The following PHC2 variants were observed in gnomAD, a reference collection of about 807,000 sequenced individuals.
PHC2 encodes the protein polyhomeotic homolog 2.
PHC2 carries 29 observed loss-of-function variants against 87.4 expected under a neutral mutation model. That is an observed-to-expected ratio of 0.33 (90% confidence interval 0.25 to 0.45). The LOEUF (loss-of-function observed/expected upper bound fraction) is 0.45, where lower values mean the gene tolerates loss of function less well. Ranked by LOEUF, PHC2 falls within the 20% of genes least tolerant of loss-of-function variation. PHC2 has a pLI of 1.00. For synonymous variants in PHC2, 438 were observed against 461.7 expected (o/e 0.95, Z 0.66); for missense variants, 857 against 1,136.7 (o/e 0.75, Z 3.54).
At chr1:33,406,467 C>T (rs1649767816) in intron 1 of PHC2, among the ~76,000 whole-genome samples, 1 of 152,216 alleles carries the variant, frequency 6.6e-6, no homozygotes, top group East Asian at 1.9e-4. Context: ...AATGGCACTT[C>T]CCCAGGTTAT....
In PHC2 at chr1:33,369,419, A is replaced by C. The variant is rs1647685962; in HGVS notation, c.577-797T>G. ...GCAGACAGGCAGGCATCACGACCCCAGTGGAGTAGGACATAGGGACAAGCA... is the reference window on the plus strand; with the variant it reads ...GCAGACAGGCAGGCATCACGACCCCCGTGGAGTAGGACATAGGGACAAGCA... On this transcript the variant is annotated intron_variant, in intron 5 of 14. Transcript: ENST00000683057. The surrounding 1 kb of genome is among the most constrained non-coding windows in gnomAD (Gnocchi z 4.7). Among the ~76,000 whole-genome samples, 1 of 152,164 alleles carries C rather than the reference A, an allele frequency of 6.6e-6. No individual in the cohort carries two copies. The highest frequency in any genetic ancestry group is 1.5e-5 in the Non-Finnish European group (1 of 68,020).
rs182353497 is a variant in PHC2, at chr1:33,325,476, T to G, written c.2426-457A>C. ...CTGGTGGTCCCCGGCCTCCTTGCCG[T>G]GTGAGTGAACCGTGCTGGAAGTGGG... On this transcript the variant is annotated intron_variant, in intron 14 of 14. Coordinates refer to ENST00000683057, the MANE Select transcript of PHC2 (RefSeq NM_001385109.1). 1.6e-4 allele frequency: 30 copies of G among 193,060 alleles called. 1 individual carries two copies. The East Asian group carries it at 4.3e-3, about 28-fold the overall frequency. 12.0% of individuals were successfully genotyped at this position (193,060 alleles called of 1,614,324 possible).
At position 33,355,148 on chromosome 1, in the gene PHC2, G is replaced by A. The variant is rs138345405; in HGVS notation, c.1082C>T (p.Pro361Leu). ...CACAGGCCGTGACTGCTGGGGCGGC[G>A]GCTGCTGCTGTTGTGGCTGTGGCTG... ...QQQPQPQQQQ[P>L]PPQQSRPVLQ... The change falls in exon 8 of 15, where the codon CCG (proline) becomes CTG (leucine). Residue 361 changes from proline to leucine, a missense_variant. By Grantham distance (98) the Pro-to-Leu change is moderately conservative. Around this residue, in one of 3 missense-constraint regions of PHC2, gnomAD observed 832 missense variants for 1,081.8 expected, o/e 0.77. Transcript: ENST00000683057. 5.2e-4 allele frequency: 842 copies of A among 1,608,422 alleles called. 7 individuals carry two copies. Among genetic ancestry groups the A allele is most frequent in the Middle Eastern group, 1.9e-4 (1 of 5,374 alleles).
chr1:33,411,673 G>A (rs1293166232), intron 1 of PHC2, among the ~76,000 whole-genome samples: 1 of 151,972 alleles, frequency 6.6e-6, no homozygotes, highest in Non-Finnish European at 1.5e-5. Flanking sequence ...CAATTCCCCT[G>A]CCTCAGCCTC....
intron 1 of PHC2, among the ~76,000 whole-genome samples, chr1:33,430,245 C>G (rs1174254998): frequency 6.6e-6 from 1 of 152,216 alleles, no homozygotes; most frequent in Non-Finnish European, 1.5e-5. Context: ...GACCTTTTCC[C>G]ATGGGTGTCA....
chr1:33,415,524 G>A (rs1650169528), intron 1 of PHC2, among the ~76,000 whole-genome samples: 1 of 152,012 alleles, frequency 6.6e-6, no homozygotes, highest in Admixed American at 6.6e-5. Context: ...TAACATAACT[G>A]CATCCAAAAT....
chr1:33,382,672 T>C lies in PHC2; in HGVS notation c.-54-7079A>G, dbSNP rs1289096117. ...AACTGCAATGGGCCACTTTGAATGA[T>C]GTGCTGAATATAACTGGCTTGGATA... On this transcript the variant is annotated intron_variant, in intron 1 of 14. Coordinates refer to ENST00000683057, the MANE Select transcript of PHC2 (RefSeq NM_001385109.1). This position sits in a 1 kb window ranked among gnomAD's most constrained non-coding sequence, Gnocchi z 4.3. Among the ~76,000 whole-genome samples, 1 of 152,158 alleles carries C rather than the reference T, an allele frequency of 6.6e-6. No homozygotes were observed. The highest frequency in any genetic ancestry group is 1.5e-5 in the Non-Finnish European group (1 of 68,022).
rs145603047 is a variant in PHC2, at chr1:33,354,640, C to T, written c.1393-74G>A. On this transcript the variant is annotated intron_variant, in intron 8 of 14. Coordinates refer to ENST00000683057, the MANE Select transcript of PHC2 (RefSeq NM_001385109.1). ...CATTCTTGGATACTTCCCTGGTTTC[C>T]ATGGAGCTTGGGAAGCAGGTAAGGA... 625 of 1,487,894 alleles carry T rather than the reference C, an allele frequency of 4.2e-4. 2 individuals carry two copies. The Middle Eastern group carries it at 7.4e-3, about 18-fold the overall frequency. The allele number at this position is 1,487,894 out of a possible 1,614,324, so 92.2% of individuals were successfully genotyped here. A position where few individuals can be genotyped will look rare whatever the true frequency, so the allele number is the denominator to read the frequency against.
At position 33,368,726 on chromosome 1, in the gene PHC2, G is replaced by A. The variant is rs969823592; in HGVS notation, c.577-104C>T. 11 of 795,214 alleles carry A rather than the reference G, an allele frequency of 1.4e-5. No individual in the cohort carries two copies. The highest frequency in any genetic ancestry group is 1.2e-4 in the African/African-American group (7 of 58,874). 49.3% of individuals were successfully genotyped at this position (795,214 alleles called of 1,614,324 possible). A position where few individuals can be genotyped will look rare whatever the true frequency, so the allele number is the denominator to read the frequency against. On this transcript the variant is annotated intron_variant, in intron 5 of 14. Transcript: ENST00000683057. This position sits in a 1 kb window ranked among gnomAD's most constrained non-coding sequence, Gnocchi z 6.6. The stretch of plus-strand genomic sequence containing the variant: ...GAAACGAGGCGCCTTTTACCTGCTC[G>A]ATGTGGACTCAGCCACAGGACACAA...
In PHC2 at chr1:33,349,923, G is replaced by T. The variant is rs1342907035; in HGVS notation, c.1558+4478C>A. ...GCGGCGAGTCTGGGACGGCTCCCGC[G>T]GCCGCCTCCGCCGGGGGCGGGGCGA... On this transcript the variant is annotated intron_variant, in intron 9 of 14. Transcript: ENST00000683057. The surrounding 1 kb of genome is among the most constrained non-coding windows in gnomAD (Gnocchi z 4.2). 2 of 946,112 alleles carry T rather than the reference G, an allele frequency of 2.1e-6. No individual in the cohort carries two copies. The highest frequency in any genetic ancestry group is 1.2e-4 in the East Asian group (1 of 8,478). The allele number at this position is 946,112 out of a possible 1,614,324, so 58.6% of individuals were successfully genotyped here.
rs149267683 is a variant in PHC2, at chr1:33,354,472, G to T, written c.1487C>A (p.Ala496Asp). Residue 496 changes from alanine (A) to aspartate (D), a missense_variant, in exon 9 of 15, where the codon GCT (alanine) becomes GAT (aspartate). By Grantham distance (126) the Ala-to-Asp change is moderately radical (BLOSUM62 -2). Around this residue, in one of 3 missense-constraint regions of PHC2, gnomAD observed 832 missense variants for 1,081.8 expected, o/e 0.77. Transcript: ENST00000683057. The stretch of plus-strand genomic sequence containing the variant: ...GCCACCAGGCATGGCAGTGACAATA[G>T]CCTGCTGATGTGGTGATGGGCCAGA... ...TRSGPSPHQQ[A>D]IVTAMPGGLP... 38 of 1,614,010 alleles carry T rather than the reference G, an allele frequency of 2.4e-5. No individual in the cohort carries two copies. The highest frequency in any genetic ancestry group is 1.7e-4 in the Middle Eastern group (1 of 6,058).
intron 1 of PHC2, among the ~76,000 whole-genome samples, chr1:33,398,721 T>C (rs887364461): frequency 1.3e-5 from 2 of 152,200 alleles, no homozygotes; most frequent in African/African-American, 4.8e-5. Context: ...GCTGCAGGCA[T>C]TCTTGGTTTC....
chr1:33,332,271 C>T lies in PHC2; in HGVS notation c.1891+4G>A. On this transcript the variant is annotated splice_donor_region_variant and intron_variant, in intron 11 of 14. Transcript: ENST00000683057. The surrounding 1 kb of genome is among the most constrained non-coding windows in gnomAD (Gnocchi z 4.2). The stretch of plus-strand genomic sequence containing the variant: ...CCGAGAGATTCAGGGTCTGAGATGC[C>T]CACCTTGCAGATAGGGCTCCTCCAT... The T allele has an allele frequency of 2.5e-6, 4 of 1,614,070 alleles. No individual in the cohort carries two copies. The East Asian group carries it at 6.7e-5, about 27-fold the overall frequency.
intron 1 of PHC2, among the ~76,000 whole-genome samples, chr1:33,405,161 C>G (rs943493233): frequency 6.6e-6 from 1 of 151,316 alleles, no homozygotes; most frequent in African/African-American, 2.4e-5. Context: ...TCTCCTCAAT[C>G]AGTCTTTATA....
At chr1:33,416,883 T>A (rs1022578709) in intron 1 of PHC2, among the ~76,000 whole-genome samples, 1 of 152,032 alleles carries the variant, frequency 6.6e-6, no homozygotes, top group Non-Finnish European at 1.5e-5. Flanking sequence ...TGAGTAAATA[T>A]AAAGGTCACG....
intron 9 of PHC2, chr1:33,336,766 A>G (rs1646646083): frequency 6.6e-6 from 1 of 152,270 alleles, no homozygotes; most frequent in African/African-American, 2.4e-5. Flanking sequence ...TGGAGCAGTG[A>G]AGGAGGAAGG....
intron 1 of PHC2, among the ~76,000 whole-genome samples, chr1:33,418,858 T>C (rs763609750): frequency 6.6e-6 from 1 of 152,164 alleles, no homozygotes; most frequent in Non-Finnish European, 1.5e-5. Flanking sequence ...GCAGAAAACA[T>C]GGAGAAGAGG....
intron 1 of PHC2, among the ~76,000 whole-genome samples, chr1:33,419,064 C>A (rs1159559169): frequency 1.3e-5 from 2 of 152,198 alleles, no homozygotes; most frequent in Non-Finnish European, 2.9e-5. Flanking sequence ...CTGTGCACTT[C>A]CCATTTAAAA....
intron 14 of PHC2, chr1:33,325,822 G>A (rs1378106466): frequency 4.4e-6 from 2 of 454,116 alleles, no homozygotes; most frequent in South Asian, 1.6e-5. Context: ...ACATCAAACA[G>A]CTCTATAGAT....
Sources: gnomAD v4.1 joint callset for allele counts (sites outside exome capture counted in the v4.1 genomes callset) on GRCh38, gnomAD v4.1.1 for gene constraint, gnomAD v4.1.1 regional missense constraint, Gnocchi (gnomAD v3.1) non-coding constraint, MANE v1.5 for transcripts, NCBI Gene and HGNC (gene_info 2026-07-23, HGNC 2026-07-21) for gene names.